LARGE1: variants seen among roughly 807,000 people sequenced by gnomAD.
LARGE1 encodes LARGE xylosyl- and glucuronyltransferase 1, also known as xylosyl- and glucuronyltransferase LARGE1.
Under a neutral mutation model 87.6 loss-of-function variants are expected in LARGE1, and 43 were observed. That is an observed-to-expected ratio of 0.49 (90% confidence interval 0.38 to 0.63). The LOEUF (loss-of-function observed/expected upper bound fraction) is 0.63, where lower values mean the gene tolerates loss of function less well. Ranked by LOEUF, LARGE1 falls within the 30% of genes least tolerant of loss-of-function variation. LARGE1 has a pLI of 0.00. For synonymous variants in LARGE1, 434 were observed against 394.6 expected, an observed-to-expected ratio of 1.10 and a Z score of -1.18; for missense variants, 802 against 1,000.2, an observed-to-expected ratio of 0.80 and a Z score of 2.67.
chr22:33,261,880 C>T (rs1461786502), intron 11 of LARGE1, among the ~76,000 whole-genome samples: 2 of 152,236 alleles, frequency 1.3e-5, no homozygotes, highest in African/African-American at 4.8e-5. Context: ...TTGCTCTCAG[C>T]TCTTAAGATC....
At chr22:33,270,592 T>G (rs921868186), downstream of LARGE1, among the ~76,000 whole-genome samples, 2 of 152,180 alleles carry the variant, frequency 1.3e-5, no homozygotes, top group Non-Finnish European at 2.9e-5. Context: ...GCTGTGAGGA[T>G]CCATCATTGC....
chr22:33,692,546 G>C (rs28740925), intron 2 of LARGE1, among the ~76,000 whole-genome samples: 1 of 152,200 alleles, frequency 6.6e-6, no homozygotes, highest in African/African-American at 2.4e-5. Flanking sequence ...CCTGACCTCA[G>C]GTGATCTGCC....
intron 11 of LARGE1, among the ~76,000 whole-genome samples, chr22:33,250,398 A>G (rs915408496): frequency 6.6e-6 from 1 of 152,208 alleles, no homozygotes; most frequent in Admixed American, 6.5e-5. Context: ...CTAATTGCTT[A>G]TTAGTTCCAT....
intron 2 of LARGE1, among the ~76,000 whole-genome samples, chr22:33,688,705 CT>C (rs2082012698): frequency 6.6e-6 from 1 of 152,132 alleles, no homozygotes. Flanking sequence ...GCCTCCTCCC[CT>C]GGCCGTATCA....
chr22:33,588,690 G>A (rs994400321), intron 5 of LARGE1, among the ~76,000 whole-genome samples: 5 of 152,344 alleles, frequency 3.3e-5, no homozygotes, highest in Admixed American at 2.0e-4. Context: ...ACTGCTGTGA[G>A]GGTGCAGGAG....
the LARGE1 span, among the ~76,000 whole-genome samples, chr22:33,106,466 C>T: frequency 1.3e-5 from 2 of 151,560 alleles, no homozygotes; most frequent in African/African-American, 4.8e-5. Context: ...TAGGTTGGTA[C>T]AAAAGTAATT....
At chr22:33,608,310 T>A (rs1034931951) in intron 4 of LARGE1, among the ~76,000 whole-genome samples, 1 of 152,202 alleles carries the variant, frequency 6.6e-6, no homozygotes, top group African/African-American at 2.4e-5. Context: ...TATTTCTGTA[T>A]CTTTGCTTGT....
intron 6 of LARGE1, among the ~76,000 whole-genome samples, chr22:33,506,057 C>G (rs1282017925): frequency 6.6e-6 from 1 of 152,094 alleles, no homozygotes; most frequent in East Asian, 1.9e-4. Flanking sequence ...TTAGGGGACT[C>G]ACAGCCATGA....
chr22:33,856,311 C>A (rs1017978478), intron 1 of LARGE1, among the ~76,000 whole-genome samples: 1 of 152,064 alleles, frequency 6.6e-6, no homozygotes, highest in African/African-American at 2.4e-5. Flanking sequence ...GAACCATTCC[C>A]GACAGAACAA....
chr22:33,825,545 G>A (rs1233489604), intron 1 of LARGE1, among the ~76,000 whole-genome samples: 1 of 152,078 alleles, frequency 6.6e-6, no homozygotes, highest in Non-Finnish European at 1.5e-5. Flanking sequence ...GAGAAACGCT[G>A]ACCAAAAGGA....
intron 1 of LARGE1, among the ~76,000 whole-genome samples, chr22:33,812,607 G>A (rs918954661): frequency 6.6e-6 from 1 of 152,214 alleles, no homozygotes; most frequent in Admixed American, 6.5e-5. Flanking sequence ...CACAGATGGC[G>A]CAGGCCTCAC....
At chr22:33,874,336 T>C (rs1231902342) in intron 1 of LARGE1, among the ~76,000 whole-genome samples, 1 of 152,106 alleles carries the variant, frequency 6.6e-6, no homozygotes, top group African/African-American at 2.4e-5. Flanking sequence ...CTACTGCAAC[T>C]GTCCTCACTC....
chr22:33,430,516 C>G (rs969733001), intron 7 of LARGE1, among the ~76,000 whole-genome samples: 3 of 152,056 alleles, frequency 2.0e-5, no homozygotes, highest in African/African-American at 7.3e-5. Context: ...GGGTGGGAAT[C>G]TGGAGTCTGT....
intron 1 of LARGE1, among the ~76,000 whole-genome samples, chr22:33,765,707 C>CAAAAAAAA (rs33943950): frequency 4.3e-5 from 3 of 69,882 alleles, no homozygotes; most frequent in Non-Finnish European, 5.0e-5. Flanking sequence ...CTCCATCTCA[C>CAAAAAAAA]AAAAAAAAAA....
At chr22:33,319,189 G>A (rs144008415) in intron 10 of LARGE1, among the ~76,000 whole-genome samples, 1 of 152,150 alleles carries the variant, frequency 6.6e-6, no homozygotes, top group Non-Finnish European at 1.5e-5. Flanking sequence ...CTAGAATCAT[G>A]ATGTATTTTT....
At chr22:33,124,415 G>T in the LARGE1 span, among the ~76,000 whole-genome samples, 1 of 96,540 alleles carries the variant, frequency 1.0e-5, no homozygotes, top group Non-Finnish European at 2.2e-5. Context: ...TCTGAAAAGA[G>T]CCTTTGGTTG....
intron 6 of LARGE1, among the ~76,000 whole-genome samples, chr22:33,527,046 C>A (rs889198602): frequency 6.6e-6 from 1 of 152,168 alleles, no homozygotes; most frequent in Non-Finnish European, 1.5e-5. Flanking sequence ...CACCTGAGGT[C>A]AGGAGTTCGA....
At chr22:33,873,027 A>C (rs1187156824) in intron 1 of LARGE1, 3 of 152,102 alleles carry the variant, frequency 2.0e-5, no homozygotes, top group Non-Finnish European at 4.4e-5. Flanking sequence ...AAAGCCATGG[A>C]AGTGAACTAG....
At chr22:33,071,860 C>G in the LARGE1 span, among the ~76,000 whole-genome samples, 1 of 152,126 alleles carries the variant, frequency 6.6e-6, no homozygotes, top group Non-Finnish European at 1.5e-5. Context: ...ATTGGCCTGC[C>G]GAGATCAAGG....
Sources: gnomAD v4.1 joint callset for allele counts (sites outside exome capture counted in the v4.1 genomes callset) on GRCh38, gnomAD v4.1.1 for gene constraint, MANE v1.5 for transcripts, NCBI Gene and HGNC (gene_info 2026-07-23, HGNC 2026-07-21) for gene names.